The following MEMO1 variants were observed in gnomAD, a reference collection of about 807,000 sequenced individuals.
MEMO1 encodes mediator of cell motility 1, also known as protein MEMO1.
In MEMO1, 6 loss-of-function variants were observed where a neutral mutation model predicts 45.2. The observed-to-expected ratio is 0.13, with a 90% CI of 0.07 to 0.26. MEMO1 has a LOEUF of 0.26. MEMO1 is among the 10% of genes least tolerant of loss of function. The pLI is 1.00. For synonymous variants in MEMO1, 78 were observed against 124.3 expected (o/e 0.63, Z 2.48); for missense variants, 184 against 370.5 (o/e 0.50, Z 4.13).
chr2:31,993,949 CTTTTTTTTTTTTT>C (rs397800267), intron 2 of MEMO1, among the ~76,000 whole-genome samples: 124 of 73,612 alleles, frequency 1.7e-3, no homozygotes, highest in African/African-American at 5.7e-3. Context: ...TCAATACTTT[CTTTTTTTTTTTTT>C]TTTTTTTTTT....
intron 2 of MEMO1, among the ~76,000 whole-genome samples, chr2:31,964,693 C>G (rs1668408316): frequency 6.6e-6 from 1 of 151,692 alleles, no homozygotes; most frequent in African/African-American, 2.4e-5. Context: ...AGGAGCGAAA[C>G]TCCATCTCAA....
chr2:31,950,267 G>A (rs1246210440), intron 2 of MEMO1, among the ~76,000 whole-genome samples: 1 of 151,622 alleles, frequency 6.6e-6, no homozygotes, highest in Admixed American at 6.6e-5. Context: ...TGTAATTCCA[G>A]CTACTCAGGA....
At chr2:32,002,206 T>TGTATATACAC in intron 2 of MEMO1, among the ~76,000 whole-genome samples, 2 of 133,820 alleles carry the variant, frequency 1.5e-5, no homozygotes, top group African/African-American at 5.8e-5. Flanking sequence ...CACACACATG[T>TGTATATACAC]ATATACGTAT....
chr2:31,931,100 C>T (rs1664113272), intron 4 of MEMO1, among the ~76,000 whole-genome samples: 2 of 152,118 alleles, frequency 1.3e-5, no homozygotes, highest in East Asian at 1.9e-4. Context: ...CAAAACCTCA[C>T]CAATTTAGAA....
chr2:31,980,009 TAA>T lies in MEMO1; in HGVS notation c.61+30176_61+30177del, dbSNP rs34551355. Reference sequence around the variant, plus strand: ...GTCCAAATCAGAAACTGTCTTAATTTAAAAAAAAAAAAAAGAAAGAAAAAAAC... The same window carrying T: ...GTCCAAATCAGAAACTGTCTTAATTTAAAAAAAAAAAAGAAAGAAAAAAAC... On this transcript the variant is annotated intron_variant, in intron 2 of 9. Coordinates refer to ENST00000404530, the MANE Select transcript of MEMO1 (RefSeq NM_001301833.4). Among the ~76,000 whole-genome samples, 39 of 137,624 alleles carry T rather than the reference TAA, an allele frequency of 2.8e-4. 1 individual carries two copies. Among genetic ancestry groups the T allele is most frequent in the South Asian group, 9.1e-4 (4 of 4,418 alleles). 90.3% of individuals were successfully genotyped at this position (137,624 alleles called of 152,430 possible). A position where few individuals can be genotyped will look rare whatever the true frequency, so the allele number is the denominator to read the frequency against.
intron 2 of MEMO1, among the ~76,000 whole-genome samples, chr2:31,985,992 T>C (rs1160383547): frequency 2.6e-5 from 4 of 152,168 alleles, no homozygotes; most frequent in Non-Finnish European, 5.9e-5. Flanking sequence ...TATACTTATA[T>C]AGCTTGTCTG....
At chr2:31,923,813 A>T (rs999648828) in intron 4 of MEMO1, 91 of 1,458,952 alleles carry the variant, frequency 6.2e-5, no homozygotes, top group Non-Finnish European at 8.1e-5. Flanking sequence ...TTCCTAAGTA[A>T]GTGTAATAAG....
At chr2:31,973,725 C>T (rs981510155) in intron 2 of MEMO1, among the ~76,000 whole-genome samples, 1 of 152,124 alleles carries the variant, frequency 6.6e-6, no homozygotes, top group African/African-American at 2.4e-5. Flanking sequence ...CAAGAAGTCA[C>T]ATACAATACC....
chr2:31,980,997 C>G (rs1670570271), intron 2 of MEMO1, among the ~76,000 whole-genome samples: 1 of 152,248 alleles, frequency 6.6e-6, no homozygotes, highest in Admixed American at 6.5e-5. Flanking sequence ...CAGTGTCCAA[C>G]TCTTTCCCAT....
chr2:31,977,941 TTGCTTTATTAAAACTTA>T (rs1350902739), intron 2 of MEMO1, among the ~76,000 whole-genome samples: 17 of 152,338 alleles, frequency 1.1e-4, no homozygotes, highest in African/African-American at 3.8e-4. Context: ...ATCTAGGATA[TTGCTTTATTAAAACTTA>T]TGCTTTATTA....
At chr2:31,922,303 G>C (rs770697234) in intron 4 of MEMO1, among the ~76,000 whole-genome samples, 1 of 150,986 alleles carries the variant, frequency 6.6e-6, no homozygotes, top group Non-Finnish European at 1.5e-5. Context: ...ATAAATTGCA[G>C]GGAGGAGATA....
At chr2:31,917,903 A>T (rs1474079511) in intron 6 of MEMO1, 23 bp downstream of exon 6, 1 of 1,456,488 alleles carries the variant, frequency 6.9e-7, no homozygotes. Context: ...TTTCCTGGGG[A>T]TTTCTTATAT....
chr2:32,001,140 G>A (rs934909051), intron 2 of MEMO1, among the ~76,000 whole-genome samples: 1 of 146,496 alleles, frequency 6.8e-6, no homozygotes, highest in Non-Finnish European at 1.5e-5. Flanking sequence ...CCGGGTTCAT[G>A]CCATTCTCCT....
chr2:31,988,868 A>G (rs193024191), intron 2 of MEMO1, among the ~76,000 whole-genome samples: 215 of 152,246 alleles, frequency 1.4e-3, no homozygotes, highest in Middle Eastern at 3.4e-3. Context: ...TGAAAGAACA[A>G]CTAGTTACTT....
chr2:31,909,892 C>T (rs1558495629), intron 6 of MEMO1, among the ~76,000 whole-genome samples: 1 of 151,994 alleles, frequency 6.6e-6, no homozygotes, highest in Non-Finnish European at 1.5e-5. Context: ...GCTCAGAGAA[C>T]TCCAAGAAGG....
At chr2:31,962,946 T>G (rs1052257117) in intron 2 of MEMO1, among the ~76,000 whole-genome samples, 11 of 152,230 alleles carry the variant, frequency 7.2e-5, no homozygotes, top group African/African-American at 2.2e-4. Context: ...ACCTCATCAG[T>G]TGAAGGCCTG....
chr2:31,878,534 T>A (rs1373922556), intron 8 of MEMO1, among the ~76,000 whole-genome samples: 2 of 152,046 alleles, frequency 1.3e-5, no homozygotes, highest in Non-Finnish European at 2.9e-5. Context: ...CAGGTCTTGG[T>A]GGGAAGAAAA....
chr2:31,938,145 T>G (rs1448434358), intron 3 of MEMO1, among the ~76,000 whole-genome samples: 2 of 152,158 alleles, frequency 1.3e-5, no homozygotes, highest in Non-Finnish European at 2.9e-5. Context: ...TAGAATTCAT[T>G]AAGATAGAAC....
At chr2:31,944,259 A>T (rs1443161152) in intron 2 of MEMO1, among the ~76,000 whole-genome samples, 1 of 152,226 alleles carries the variant, frequency 6.6e-6, no homozygotes, top group Non-Finnish European at 1.5e-5. Flanking sequence ...TAACGTAGTG[A>T]ATCTGCTCTC....
Sources: gnomAD v4.1 joint callset for allele counts (sites outside exome capture counted in the v4.1 genomes callset) on GRCh38, gnomAD v4.1.1 for gene constraint, MANE v1.5 for transcripts, NCBI Gene and HGNC (gene_info 2026-07-23, HGNC 2026-07-21) for gene names.